Variants in GAB2 observed in about 807,000 individuals in gnomAD.
GAB2 encodes GRB2 associated binding protein 2.
Under a neutral mutation model 65.5 loss-of-function variants are expected in GAB2, and 26 were observed. The observed-to-expected ratio is 0.40, with a 90% CI of 0.29 to 0.55. The LOEUF (loss-of-function observed/expected upper bound fraction) is 0.55, where lower values mean the gene tolerates loss of function less well. Among genes scored for constraint, GAB2 ranks in the 20% least tolerant of loss-of-function variants. The probability of loss-of-function intolerance (pLI) is 0.53; values close to 1 mark genes in which losing one functional copy is unlikely to be tolerated. For missense variants in GAB2, 884 were observed against 875.8 expected (o/e 1.01, Z -0.12); for synonymous variants, 321 against 329.6 (o/e 0.97, Z 0.28).
chr11:78,243,684 C>CAA (rs201157622), intron 3 of GAB2, among the ~76,000 whole-genome samples: 17 of 144,728 alleles, frequency 1.2e-4, no homozygotes, highest in African/African-American at 4.3e-4. Context: ...ACTAAAAATA[C>CAA]AAAAAAAAAA....
At chr11:78,389,892 C>T (rs1856814347) in intron 1 of GAB2, among the ~76,000 whole-genome samples, 1 of 152,176 alleles carries the variant, frequency 6.6e-6, no homozygotes, top group African/African-American at 2.4e-5. Context: ...AGCTGAAGTT[C>T]TTGCACACAG....
intron 1 of GAB2, among the ~76,000 whole-genome samples, chr11:78,405,558 A>G (rs1021396899): frequency 2.0e-5 from 3 of 152,212 alleles, no homozygotes; most frequent in African/African-American, 7.2e-5. Context: ...ACTGGTAACA[A>G]GTGCTTTTGT....
rs753226270 is a variant in GAB2 at position 78,223,442 on chromosome 11, CAG to C, written c.1535_1536del (p.Pro512ArgfsTer8). 4.4e-6 allele frequency: 7 copies of C among 1,573,844 alleles called. No homozygotes were observed. Among genetic ancestry groups the C allele is most frequent in the South Asian group, 1.2e-5 (1 of 85,134 alleles). On this transcript the variant is annotated frameshift_variant, in exon 6 of 10. Transcript: ENST00000361507. LOFTEE classifies it high-confidence loss of function. Reference protein sequence around the residue: ...PSRGSEIQPPPVNRNLKPDRK... With the variant: ...PSRGSEIQPPXVNRNLKPDRK... ...CGATCAGGTTTGAGGTTGCGGTTGA[CAG>C]GGGGTGGCTGAATCTCACTTCCTCT...
chr11:78,404,052 C>T (rs1265989328), intron 1 of GAB2, among the ~76,000 whole-genome samples: 1 of 152,052 alleles, frequency 6.6e-6, no homozygotes, highest in Non-Finnish European at 1.5e-5. Flanking sequence ...TATGATAGTT[C>T]TTCAAAAAAC....
At chr11:78,412,564 A>G (rs1857143204) in intron 1 of GAB2, among the ~76,000 whole-genome samples, 1 of 152,206 alleles carries the variant, frequency 6.6e-6, no homozygotes, top group Non-Finnish European at 1.5e-5. Context: ...CATGATGGAA[A>G]TGCTCTGTAT....
intron 1 of GAB2, among the ~76,000 whole-genome samples, chr11:78,300,700 T>G (rs559782696): frequency 3.2e-4 from 45 of 142,396 alleles, no homozygotes; most frequent in Middle Eastern, 3.6e-3. Context: ...TTTTTGTTTT[T>G]TTTTTTTTTT....
Position 78,394,954 on chromosome 11 carries a change from T to C in GAB2, c.75+22692A>G, listed in dbSNP as rs150614736. ...CACAGACAGTGCTAGACAGGCAACC[T>C]GTAAATGCCATCTAGGAGGACTCAA... On this transcript the variant is annotated intron_variant, in intron 1 of 9. Coordinates refer to ENST00000361507, the MANE Select transcript of GAB2 (RefSeq NM_080491.3). 1.9e-3 allele frequency among the ~76,000 whole-genome samples: 286 copies of C among 152,276 alleles called. 1 individual carries two copies. Among genetic ancestry groups the C allele is most frequent in the African/African-American group, 5.5e-3 (228 of 41,556 alleles).
intron 1 of GAB2, among the ~76,000 whole-genome samples, chr11:78,393,121 T>C (rs879558837): frequency 6.6e-5 from 10 of 152,286 alleles, no homozygotes; most frequent in East Asian, 3.9e-4. Flanking sequence ...TCACAAACCA[T>C]GTGACATTTG....
chr11:78,316,768 G>T (rs956352477), intron 1 of GAB2, among the ~76,000 whole-genome samples: 3 of 152,182 alleles, frequency 2.0e-5, no homozygotes, highest in African/African-American at 7.2e-5. Context: ...ATATGATCCA[G>T]TAATTCTACT....
intron 1 of GAB2, among the ~76,000 whole-genome samples, chr11:78,291,426 A>T (rs1325502340): frequency 6.6e-6 from 1 of 150,620 alleles, no homozygotes. Context: ...AGATCGCACC[A>T]CTGCACTCCA....
intron 1 of GAB2, among the ~76,000 whole-genome samples, chr11:78,321,001 G>C (rs1855713508): frequency 2.0e-5 from 3 of 152,112 alleles, no homozygotes; most frequent in Non-Finnish European, 4.4e-5. Context: ...GGAATGTGGG[G>C]GTTGAAACAG....
At chr11:78,393,959 T>C (rs1386347592) in intron 1 of GAB2, among the ~76,000 whole-genome samples, 2 of 152,140 alleles carry the variant, frequency 1.3e-5, no homozygotes, top group Non-Finnish European at 2.9e-5. Flanking sequence ...CAGCAGTCAA[T>C]AACTGGTGCC....
At chr11:78,377,689 T>G (rs189957390) in intron 1 of GAB2, among the ~76,000 whole-genome samples, 6 of 152,278 alleles carry the variant, frequency 3.9e-5, no homozygotes, top group Admixed American at 3.3e-4. Context: ...CTGGCTGACA[T>G]GAGAATATTA....
intron 1 of GAB2, among the ~76,000 whole-genome samples, chr11:78,282,451 G>A (rs560399001): frequency 5.9e-5 from 9 of 152,000 alleles, no homozygotes; most frequent in African/African-American, 1.9e-4. Context: ...TGGGATTACA[G>A]ATGCCCACCA....
In GAB2 at chr11:78,271,885, T is replaced by G. The variant is rs553798179; in HGVS notation, c.376+8716A>C. 2.6e-5 allele frequency among the ~76,000 whole-genome samples: 4 copies of G among 152,284 alleles called. No homozygotes were observed. In the South Asian group the frequency reaches 6.2e-4, roughly 24 times the overall value. On this transcript the variant is annotated intron_variant, in intron 2 of 9. Transcript: ENST00000361507. ...TGGGAGGGATCCAGTGGGAGGTAATTGAATCATGGAGGCAGGTCTTTCCTG... is the reference window on the plus strand; with the variant it reads ...TGGGAGGGATCCAGTGGGAGGTAATGGAATCATGGAGGCAGGTCTTTCCTG...
intron 1 of GAB2, among the ~76,000 whole-genome samples, chr11:78,298,434 T>C (rs947788457): frequency 1.3e-5 from 2 of 152,146 alleles, no homozygotes; most frequent in African/African-American, 2.4e-5. Flanking sequence ...CTCTACCACA[T>C]GAAAGACAAA....
chr11:78,326,571 C>T (rs895905055), intron 1 of GAB2, among the ~76,000 whole-genome samples: 2 of 152,112 alleles, frequency 1.3e-5, no homozygotes, highest in African/African-American at 2.4e-5. Flanking sequence ...ATTGTTACTT[C>T]AAATTATTTC....
intron 1 of GAB2, among the ~76,000 whole-genome samples, chr11:78,298,883 A>G (rs760087306): frequency 6.6e-6 from 1 of 152,158 alleles, no homozygotes; most frequent in Non-Finnish European, 1.5e-5. Flanking sequence ...CTGGTTCCAT[A>G]TTTTCGTAAA....
At chr11:78,318,520 G>A (rs781763609) in intron 1 of GAB2, among the ~76,000 whole-genome samples, 4 of 151,918 alleles carry the variant, frequency 2.6e-5, no homozygotes, top group Admixed American at 6.6e-5. Context: ...GATAGATTAA[G>A]GGAAACAGGA....
Sources: allele counts gnomAD v4.1 joint callset (sites outside exome capture counted in the v4.1 genomes callset), GRCh38; gene constraint gnomAD v4.1.1; transcripts MANE v1.5; gene names NCBI Gene and HGNC (gene_info 2026-07-23, HGNC 2026-07-21).